The following ARFGEF1 variants were observed in gnomAD, a reference collection of about 807,000 sequenced individuals.
The protein encoded by ARFGEF1 is ARF guanine nucleotide exchange factor 1, also known as brefeldin A-inhibited guanine nucleotide-exchange protein 1.
In ARFGEF1, 42 loss-of-function variants were observed where a neutral mutation model predicts 231.0. The observed-to-expected ratio is 0.18, with a 90% confidence interval of 0.14 to 0.24. The LOEUF (loss-of-function observed/expected upper bound fraction) is 0.24, where lower values mean the gene tolerates loss of function less well. ARFGEF1 is among the 10% of genes least tolerant of loss of function. The pLI is 1.00. For synonymous variants in ARFGEF1, 710 were observed against 732.3 expected (o/e 0.97, Z 0.49); for missense variants, 1,345 against 2,192.0 (o/e 0.61, Z 7.72).
At chr8:67,228,424 G>A (rs892023923) in intron 23 of ARFGEF1, among the ~76,000 whole-genome samples, 160 bp from the exon 24 acceptor site, 5 of 151,920 alleles carry the variant, frequency 3.3e-5, no homozygotes, top group African/African-American at 1.2e-4. Context: ...AGTAACAAGT[G>A]TAGTCTGGAT....
chr8:67,326,379 T>C (rs1222224391), intron 1 of ARFGEF1, among the ~76,000 whole-genome samples: 1 of 152,208 alleles, frequency 6.6e-6, no homozygotes, highest in Non-Finnish European at 1.5e-5. Flanking sequence ...AAATCTATAC[T>C]GGTTAACACC....
chr8:67,278,296 A>G (rs1317081014), intron 7 of ARFGEF1, among the ~76,000 whole-genome samples: 1 of 152,204 alleles, frequency 6.6e-6, no homozygotes, highest in Non-Finnish European at 1.5e-5. Flanking sequence ...GGGGTAAATT[A>G]TTTCATATTT....
intron 29 of ARFGEF1, among the ~76,000 whole-genome samples, 172 bp from the exon 30 acceptor site, chr8:67,219,732 T>C (rs187111590): frequency 6.6e-6 from 1 of 152,260 alleles, no homozygotes; most frequent in Admixed American, 6.5e-5. Context: ...CAGGTTCCTT[T>C]AGGATACATC....
chr8:67,339,795 C>CGGGGGGAGGGGGGGGGGG (rs1554652758), intron 1 of ARFGEF1, among the ~76,000 whole-genome samples: 1 of 14,274 alleles, frequency 7.0e-5, no homozygotes, highest in Non-Finnish European at 1.3e-4. Context: ...CAGTGTGGGG[C>CGGGGGGAGGGGGGGGGGG]GGGGGGGGGG....
In ARFGEF1 at chr8:67,257,837, T is replaced by C. The variant is rs188957852; in HGVS notation, c.2442-21A>G. The C allele has an allele frequency of 5.1e-6, 8 of 1,565,204 alleles. No individual in the cohort carries two copies. In the Admixed American group the frequency reaches 1.3e-4, roughly 26 times the overall value. On this transcript the variant is annotated intron_variant, in intron 16 of 38. Transcript: ENST00000262215. ...TTTGTCTGGAAAAATAAATGTATCA[T>C]GTTATAAACTTCTACTGTTTTATAT...
At chr8:67,236,395 TATATATATATATATATG>T (rs1839769082) in intron 22 of ARFGEF1, among the ~76,000 whole-genome samples, 1 of 97,560 alleles carries the variant, frequency 1.0e-5, no homozygotes, top group Non-Finnish European at 2.0e-5. Context: ...TATATATATA[TATATATATATATATATG>T]TATCCACTGT....
intron 19 of ARFGEF1, among the ~76,000 whole-genome samples, chr8:67,243,100 A>G (rs1839980866): frequency 6.6e-6 from 1 of 152,164 alleles, no homozygotes; most frequent in Non-Finnish European, 1.5e-5. Context: ...TAATCCAGAG[A>G]ATTCTTCTGA....
intron 1 of ARFGEF1, among the ~76,000 whole-genome samples, chr8:67,311,009 A>G (rs1459896802): frequency 6.6e-5 from 8 of 121,434 alleles, no homozygotes; most frequent in African/African-American, 2.6e-4. Flanking sequence ...CCGCCCGGCC[A>G]GCCGCCCCGT....
intron 1 of ARFGEF1, among the ~76,000 whole-genome samples, chr8:67,329,013 A>T (rs528689966): frequency 2.7e-4 from 41 of 152,154 alleles, no homozygotes; most frequent in African/African-American, 9.4e-4. Context: ...GGATCACGAG[A>T]TCAGGAGTTC....
At position 67,258,282 on chromosome 8, in the gene ARFGEF1, C is replaced by T; in HGVS notation, c.2244G>A (p.Val748=). 1 of 1,587,866 alleles carries T rather than the reference C, an allele frequency of 6.3e-7. No homozygotes were observed. Among genetic ancestry groups the T allele is most frequent in the Non-Finnish European group, 8.6e-7 (1 of 1,159,236 alleles). Residue 748 remains valine (V), a synonymous_variant, in exon 16 of 39, where the codon GTG becomes GTA. Coordinates refer to ENST00000262215, the MANE Select transcript of ARFGEF1 (RefSeq NM_006421.5). Reference sequence around the variant, plus strand: ...TATCATTATCTCCCAGGAACTCACCCACTTGAGTCTAAAGTAAAAACAGAG... The same window carrying T: ...TATCATTATCTCCCAGGAACTCACCTACTTGAGTCTAAAGTAAAAACAGAG... ...HQEERLDSTQ[V]GEFLGDNDKF... is the part of the protein sequence containing the mutation.
intron 34 of ARFGEF1, among the ~76,000 whole-genome samples, chr8:67,205,785 G>C (rs925567581): frequency 6.6e-6 from 1 of 152,012 alleles, no homozygotes; most frequent in Admixed American, 6.5e-5. Flanking sequence ...TGGAACCCAG[G>C]AGGCAGAGGT....
chr8:67,260,134 C>T (rs1840594551), intron 14 of ARFGEF1, among the ~76,000 whole-genome samples: 1 of 152,118 alleles, frequency 6.6e-6, no homozygotes, highest in African/African-American at 2.4e-5. Flanking sequence ...GGAAGGCCAT[C>T]TTTATTACTA....
At chr8:67,188,310 A>G (rs527330631) in intron 5 of ARFGEF1, among the ~76,000 whole-genome samples, 6 of 152,352 alleles carry the variant, frequency 3.9e-5, no homozygotes, top group African/African-American at 1.4e-4. Context: ...ATCTAGGCCG[A>G]CTAAGAATTC....
intron 14 of ARFGEF1, among the ~76,000 whole-genome samples, chr8:67,263,830 C>T (rs1372058018): frequency 6.6e-6 from 1 of 152,088 alleles, no homozygotes; most frequent in Non-Finnish European, 1.5e-5. Flanking sequence ...AAGAAAATAA[C>T]ACAGTAGAAG....
downstream of ARFGEF1, chr8:67,193,606 A>G: frequency 6.2e-7 from 1 of 1,612,172 alleles, no homozygotes; most frequent in Non-Finnish European, 8.5e-7. Context: ...AATACAGGTA[A>G]ATGACCAAGT....
chr8:67,186,418 TAAA>T (rs60962928), intron 5 of ARFGEF1, among the ~76,000 whole-genome samples: 12,506 of 140,446 alleles, frequency 0.089, 1,092 homozygotes, highest in African/African-American at 0.23. Context: ...TGTTTTAAAT[TAAA>T]AAAAAAAAAA....
rs371299999 is a variant in ARFGEF1 at position 67,327,897 on chromosome 8, C to T, written c.124+15267G>A. On this transcript the variant is annotated intron_variant, in intron 1 of 38. Coordinates refer to ENST00000262215, the MANE Select transcript of ARFGEF1 (RefSeq NM_006421.5). ...TTAACACAACATCATTTAATCAATC[C>T]TATATTGTTGACTACTTGAGTTATT... 2.2e-4 allele frequency among the ~76,000 whole-genome samples: 34 copies of T among 152,244 alleles called. 1 individual carries two copies. In the East Asian group the frequency reaches 2.3e-3, roughly 10 times the overall value.
intron 19 of ARFGEF1, among the ~76,000 whole-genome samples, chr8:67,248,860 C>T (rs1433326326): frequency 6.6e-6 from 1 of 150,524 alleles, no homozygotes; most frequent in Non-Finnish European, 1.5e-5. Flanking sequence ...AACTAGTCTA[C>T]AGATTGTTTC....
At chr8:67,213,081 G>A (rs1402983859) in intron 33 of ARFGEF1, among the ~76,000 whole-genome samples, 3 of 152,110 alleles carry the variant, frequency 2.0e-5, no homozygotes, top group Non-Finnish European at 4.4e-5. Context: ...CTGAATGGAC[G>A]TCAGCACAAC....
Sources: gnomAD v4.1 joint callset for allele counts (sites outside exome capture counted in the v4.1 genomes callset) on GRCh38, gnomAD v4.1.1 for gene constraint, MANE v1.5 for transcripts, NCBI Gene and HGNC (gene_info 2026-07-23, HGNC 2026-07-21) for gene names.